The following VTI1A variants were observed in gnomAD, a reference collection of about 807,000 sequenced individuals.
The protein encoded by VTI1A is vesicle transport through interaction with t-SNAREs 1A.
In VTI1A, 22 loss-of-function variants were observed where a neutral mutation model predicts 34.9. That is an observed-to-expected ratio of 0.63 (90% confidence interval 0.45 to 0.90). VTI1A has a LOEUF of 0.90. Ranked by LOEUF, VTI1A falls within the 40% of genes least tolerant of loss-of-function variation. The pLI, the probability that VTI1A is intolerant of heterozygous loss-of-function variation, is 0.00. For synonymous variants in VTI1A, 87 were observed against 97.3 expected, an observed-to-expected ratio of 0.89 and a Z score of 0.62; for missense variants, 268 against 275.6, an observed-to-expected ratio of 0.97 and a Z score of 0.20.
chr10:112,512,228 A>G (rs777310354), intron 3 of VTI1A, among the ~76,000 whole-genome samples: 5 of 152,060 alleles, frequency 3.3e-5, no homozygotes, highest in Admixed American at 6.6e-5. Flanking sequence ...GTTACCTTTC[A>G]TTCATAATAG....
chr10:112,634,389 G>A (rs1846261115), intron 5 of VTI1A: 1 of 152,156 alleles, frequency 6.6e-6, no homozygotes, highest in African/African-American at 2.4e-5. Flanking sequence ...TTTAATTCTT[G>A]TTTTGGATTG....
chr10:112,779,652 C>T (rs1014287198), intron 7 of VTI1A, among the ~76,000 whole-genome samples: 2 of 152,198 alleles, frequency 1.3e-5, no homozygotes, highest in African/African-American at 4.8e-5. Context: ...CATCTCGGTA[C>T]AAAGTTTCTT....
intron 7 of VTI1A, among the ~76,000 whole-genome samples, chr10:112,703,337 G>A (rs58693092): frequency 0.087 from 13,172 of 152,154 alleles, 1,073 homozygotes; most frequent in East Asian, 0.29. Context: ...GGAGGCCAAG[G>A]CGGGCGGATC....
intron 5 of VTI1A, among the ~76,000 whole-genome samples, chr10:112,540,208 T>C (rs1850813805): frequency 6.6e-6 from 1 of 152,184 alleles, no homozygotes; most frequent in South Asian, 2.1e-4. Context: ...AAAGACTGTG[T>C]TTTGATCAAG....
intron 7 of VTI1A, among the ~76,000 whole-genome samples, chr10:112,787,194 C>A: frequency 6.6e-6 from 1 of 152,298 alleles, no homozygotes; most frequent in Admixed American, 6.5e-5. Flanking sequence ...TTGCATAACA[C>A]TGTTCAGAAT....
intron 7 of VTI1A, among the ~76,000 whole-genome samples, chr10:112,766,935 T>C (rs1263803727): frequency 2.6e-5 from 4 of 152,210 alleles, no homozygotes; most frequent in Admixed American, 6.5e-5. Context: ...TCCGTGCCAA[T>C]TGTGGTTTAG....
chr10:112,579,295 G>A (rs987564184), intron 5 of VTI1A, among the ~76,000 whole-genome samples: 3 of 152,296 alleles, frequency 2.0e-5, no homozygotes, highest in African/African-American at 7.2e-5. Flanking sequence ...ATGTATGTAA[G>A]ATCTCTGAGT....
intron 5 of VTI1A, among the ~76,000 whole-genome samples, chr10:112,637,257 G>T (rs575000784): frequency 6.6e-6 from 1 of 152,258 alleles, no homozygotes; most frequent in African/African-American, 2.4e-5. Context: ...AACATTATGG[G>T]TTTTACTGCA....
At chr10:112,810,993 T>C (rs1853266693) in intron 7 of VTI1A, among the ~76,000 whole-genome samples, 1 of 152,202 alleles carries the variant, frequency 6.6e-6, no homozygotes, top group Non-Finnish European at 1.5e-5. Context: ...TACCTTAGCT[T>C]CTGAAATACA....
At chr10:112,576,065 G>C (rs181257095) in intron 5 of VTI1A, among the ~76,000 whole-genome samples, 2 of 134,730 alleles carry the variant, frequency 1.5e-5, no homozygotes, top group African/African-American at 5.6e-5. Flanking sequence ...CTTTCGCCCA[G>C]GCCGGACTGC....
chr10:112,834,663 A>G, the VTI1A span, among the ~76,000 whole-genome samples: 1 of 152,158 alleles, frequency 6.6e-6, no homozygotes, highest in Non-Finnish European at 1.5e-5. Context: ...ACAACAAGAT[A>G]TGGCTGGCAT....
At chr10:112,777,000 C>T (rs1851972517) in intron 7 of VTI1A, among the ~76,000 whole-genome samples, 1 of 152,078 alleles carries the variant, frequency 6.6e-6, no homozygotes, top group African/African-American at 2.4e-5. Context: ...CTTTAAAAGC[C>T]ATTTTTCTTG....
At chr10:112,534,107 T>C (rs1287726831) in intron 4 of VTI1A, among the ~76,000 whole-genome samples, 3 of 152,156 alleles carry the variant, frequency 2.0e-5, no homozygotes, top group African/African-American at 7.2e-5. Flanking sequence ...CTTTCGTCAT[T>C]GTTAAACACT....
chr10:112,748,963 C>G (rs1000946281), intron 7 of VTI1A, among the ~76,000 whole-genome samples: 1 of 152,146 alleles, frequency 6.6e-6, no homozygotes, highest in African/African-American at 2.4e-5. Context: ...TAAGTATATT[C>G]TTATCAAAAC....
intron 7 of VTI1A, among the ~76,000 whole-genome samples, chr10:112,716,070 A>G (rs1454789105): frequency 3.3e-5 from 5 of 152,208 alleles, no homozygotes; most frequent in South Asian, 2.1e-4. Flanking sequence ...TAGTGGGAAC[A>G]TAAGTAAGTA....
intron 5 of VTI1A, among the ~76,000 whole-genome samples, chr10:112,627,210 C>T (rs1432588230): frequency 3.3e-5 from 5 of 152,268 alleles, no homozygotes. Flanking sequence ...CCTTGGGATT[C>T]TATTTTTAAC....
Position 112,452,566 on chromosome 10 carries a change from C to CAAA in VTI1A, c.94+5114_94+5116dup, listed in dbSNP as rs57884472. ...CTAGTGACACAGTGAGACTCTGTCT[C>CAAA]AAAAAAAAAAAAAAAAATTAAGCTT... is the stretch of plus-strand genomic sequence containing the variant. On this transcript the variant is annotated intron_variant, in intron 1 of 7. Transcript: ENST00000393077. Among the ~76,000 whole-genome samples, 123 of 134,760 alleles carry CAAA rather than the reference C, an allele frequency of 9.1e-4. 1 individual carries two copies. The highest frequency in any genetic ancestry group is 3.1e-3 in the African/African-American group (113 of 36,592). 88.4% of individuals were successfully genotyped at this position (134,760 alleles called of 152,430 possible).
intron 3 of VTI1A, among the ~76,000 whole-genome samples, chr10:112,516,111 CA>C (rs1849765708): frequency 6.6e-6 from 1 of 152,040 alleles, no homozygotes; most frequent in African/African-American, 2.4e-5. Flanking sequence ...GAGATAAAAG[CA>C]AACTGAATGC....
chr10:112,466,479 A>G (rs1847896569), intron 3 of VTI1A, among the ~76,000 whole-genome samples: 1 of 152,136 alleles, frequency 6.6e-6, no homozygotes. Context: ...ATGCCTAAGT[A>G]TGTGCCCTGT....
Sources: gnomAD v4.1 joint callset for allele counts (sites outside exome capture counted in the v4.1 genomes callset) on GRCh38, gnomAD v4.1.1 for gene constraint, MANE v1.5 for transcripts, NCBI Gene and HGNC (gene_info 2026-07-23, HGNC 2026-07-21) for gene names.